STK3: variants seen among roughly 807,000 people sequenced by gnomAD.
STK3 encodes serine/threonine kinase 3.
A neutral mutation model predicts 58.0 loss-of-function variants in STK3; 41 were observed. The ratio of observed to expected loss-of-function variants is 0.71; its 90% CI spans 0.55 to 0.92. STK3 has a LOEUF of 0.92. Among genes scored for constraint, STK3 ranks in the 40% least tolerant of loss-of-function variants. The probability of loss-of-function intolerance (pLI) is 0.00; values close to 1 mark genes in which losing one functional copy is unlikely to be tolerated. For synonymous variants in STK3, 170 were observed against 191.0 expected, an observed-to-expected ratio of 0.89 and a Z score of 0.91; for missense variants, 479 against 602.7, an observed-to-expected ratio of 0.79 and a Z score of 2.15.
At chr8:98,607,855 A>G (rs538101988) in intron 6 of STK3, among the ~76,000 whole-genome samples, 2 of 152,298 alleles carry the variant, frequency 1.3e-5, no homozygotes, top group East Asian at 3.9e-4. Context: ...TTGAAAAGTC[A>G]AATTTTCAAA....
At chr8:98,799,668 C>T (rs979897720) in intron 1 of STK3, among the ~76,000 whole-genome samples, 3 of 152,078 alleles carry the variant, frequency 2.0e-5, no homozygotes, top group Non-Finnish European at 2.9e-5. Context: ...CCTATCAGTA[C>T]CCCTCAAAGC....
intron 6 of STK3, among the ~76,000 whole-genome samples, chr8:98,604,563 G>T (rs975613512): frequency 6.6e-6 from 1 of 152,170 alleles, no homozygotes; most frequent in Non-Finnish European, 1.5e-5. Context: ...CCTAGTAGAG[G>T]TTCTCATGAA....
At chr8:98,382,610 C>A (rs940260817) in intron 1 of STK3, among the ~76,000 whole-genome samples, 1 of 152,064 alleles carries the variant, frequency 6.6e-6, no homozygotes. Flanking sequence ...GAGAGACCTG[C>A]CCGGGCTGCT....
chr8:98,771,020 A>C (rs1403634515), intron 2 of STK3, among the ~76,000 whole-genome samples: 1 of 152,214 alleles, frequency 6.6e-6, no homozygotes, highest in African/African-American at 2.4e-5. Flanking sequence ...GAGGAGGTGA[A>C]ATACACACAA....
intron 6 of STK3, chr8:98,597,945 G>T (rs1202474512): frequency 9.1e-6 from 9 of 985,138 alleles, no homozygotes; most frequent in Admixed American, 6.2e-5. Flanking sequence ...ACCTAATAAG[G>T]CTTTAAAAAA....
chr8:98,829,752 T>G (rs1253914665), upstream of STK3, among the ~76,000 whole-genome samples: 1 of 152,236 alleles, frequency 6.6e-6, no homozygotes, highest in Non-Finnish European at 1.5e-5. Flanking sequence ...TGCCAGGCAC[T>G]GTTCTAGGTG....
intron 6 of STK3, among the ~76,000 whole-genome samples, chr8:98,666,707 T>C (rs1269449050): frequency 6.6e-6 from 1 of 152,190 alleles, no homozygotes; most frequent in Non-Finnish European, 1.5e-5. Flanking sequence ...TTGCCTATTA[T>C]AAACAATTCT....
intron 10 of STK3, among the ~76,000 whole-genome samples, chr8:98,472,530 G>A (rs1320802192): frequency 6.6e-6 from 1 of 152,094 alleles, no homozygotes; most frequent in Non-Finnish European, 1.5e-5. Context: ...TGTATCACAT[G>A]AACCTCAAAA....
At chr8:98,405,886 A>T (rs1817988384) in intron 3 of STK3, among the ~76,000 whole-genome samples, 1 of 152,212 alleles carries the variant, frequency 6.6e-6, no homozygotes, top group Non-Finnish European at 1.5e-5. Flanking sequence ...CGGGAACAGC[A>T]TGGGAAAGAC....
chr8:98,941,951 G>C (rs994652649), intron 1 of STK3, among the ~76,000 whole-genome samples: 1 of 152,244 alleles, frequency 6.6e-6, no homozygotes, highest in Non-Finnish European at 1.5e-5. Context: ...GAACGGCTCC[G>C]CGGAGACAGC....
At chr8:98,503,735 G>C (rs2131373148) in intron 10 of STK3, among the ~76,000 whole-genome samples, 2 of 152,300 alleles carry the variant, frequency 1.3e-5, no homozygotes, top group Middle Eastern at 6.8e-3. Flanking sequence ...TTAATCCTGA[G>C]TTCTAGTCTG....
At chr8:98,777,599 A>G (rs1208131586) in intron 1 of STK3, among the ~76,000 whole-genome samples, 1 of 152,220 alleles carries the variant, frequency 6.6e-6, no homozygotes, top group East Asian at 1.9e-4. Context: ...CATTGCAGAA[A>G]AAGTGCCGGA....
At chr8:98,661,943 C>T (rs1821997057) in intron 6 of STK3, among the ~76,000 whole-genome samples, 1 of 152,042 alleles carries the variant, frequency 6.6e-6, no homozygotes, top group African/African-American at 2.4e-5. Context: ...TCACAATTAC[C>T]ACAGTACTTA....
At chr8:98,940,817 A>C (rs1840391134) in intron 1 of STK3, among the ~76,000 whole-genome samples, 1 of 152,130 alleles carries the variant, frequency 6.6e-6, no homozygotes, top group Non-Finnish European at 1.5e-5. Context: ...TGGGTCCGAA[A>C]AATCCGTCTC....
chr8:98,629,003 T>TA, intron 6 of STK3, among the ~76,000 whole-genome samples: 1 of 151,824 alleles, frequency 6.6e-6, no homozygotes, highest in Non-Finnish European at 1.5e-5. Flanking sequence ...ACAGCAAGAG[T>TA]AAAGGCCAAG....
chr8:98,650,060 T>C (rs1298112869), intron 6 of STK3, among the ~76,000 whole-genome samples: 2 of 152,316 alleles, frequency 1.3e-5, no homozygotes, highest in Admixed American at 6.5e-5. Flanking sequence ...AGGCTACCAA[T>C]TTCTGTGTAT....
At chr8:98,743,737 G>A (rs1363711122) in intron 4 of STK3, among the ~76,000 whole-genome samples, 2 of 151,758 alleles carry the variant, frequency 1.3e-5, no homozygotes, top group East Asian at 1.9e-4. Context: ...TGACAAATGG[G>A]ATCTAATTAA....
intron 4 of STK3, among the ~76,000 whole-genome samples, chr8:98,712,813 C>A (rs1038757309): frequency 6.6e-6 from 1 of 152,202 alleles, no homozygotes; most frequent in Non-Finnish European, 1.5e-5. Context: ...CTCTCCACCC[C>A]AAATCAACAG....
chr8:98,637,029 A>G (rs1289762889), intron 6 of STK3, among the ~76,000 whole-genome samples: 2 of 151,750 alleles, frequency 1.3e-5, no homozygotes, highest in African/African-American at 2.4e-5. Flanking sequence ...AATTAGATCC[A>G]TGACTTAATA....
Sources: gnomAD v4.1 joint callset for allele counts (sites outside exome capture counted in the v4.1 genomes callset) on GRCh38, gnomAD v4.1.1 for gene constraint, MANE v1.5 for transcripts, NCBI Gene and HGNC (gene_info 2026-07-23, HGNC 2026-07-21) for gene names.